The following NOL4L variants were observed in gnomAD, a reference collection of about 807,000 sequenced individuals.
NOL4L encodes nucleolar protein 4 like.
Under a neutral mutation model 64.5 loss-of-function variants are expected in NOL4L, and 7 were observed. The observed-to-expected ratio is 0.11, with a 90% CI of 0.06 to 0.20. The LOEUF is 0.20. NOL4L is among the 10% of genes least tolerant of loss of function. NOL4L has a pLI of 1.00. For synonymous variants in NOL4L, 413 were observed against 401.0 expected (o/e 1.03, Z -0.36); for missense variants, 680 against 967.1 (o/e 0.70, Z 3.94).
intron 3 of NOL4L, among the ~76,000 whole-genome samples, chr20:32,517,303 G>A (rs1394581563): frequency 6.6e-6 from 1 of 152,222 alleles, no homozygotes; most frequent in Non-Finnish European, 1.5e-5. Context: ...CCACCTTCCT[G>A]GGGCAGGAAC....
At chr20:32,486,890 C>T (rs960338644) in intron 4 of NOL4L, 2 of 418,796 alleles carry the variant, frequency 4.8e-6, no homozygotes, top group Middle Eastern at 9.4e-4. Context: ...ACAAGAAATC[C>T]AGAAAGAGAA....
chr20:32,477,452 G>A (rs925639943), intron 4 of NOL4L, among the ~76,000 whole-genome samples: 1 of 152,360 alleles, frequency 6.6e-6, no homozygotes, highest in Non-Finnish European at 1.5e-5. Context: ...GCTGTATCCA[G>A]CTGTCACTGT....
intron 1 of NOL4L, among the ~76,000 whole-genome samples, chr20:32,580,379 A>G (rs564451428): frequency 2.0e-5 from 3 of 152,340 alleles, no homozygotes; most frequent in South Asian, 2.1e-4. Context: ...GTCACAGCAC[A>G]TATTACGCGG....
chr20:32,452,381 G>A lies in NOL4L; in HGVS notation c.1677C>T (p.His559=). Residue 559 remains histidine, a synonymous_variant, in exon 10 of 11, where the codon CAC becomes CAT. Transcript: ENST00000621426. Reference sequence around the variant, plus strand: ...AGGAGGCTGGCAGTGAGTAGGTGGAGTGGGTGATGGCTGCGGAGTCCCGCG... The same window carrying A: ...AGGAGGCTGGCAGTGAGTAGGTGGAATGGGTGATGGCTGCGGAGTCCCGCG... The part of the protein sequence containing the change: ...QHSRDSAAIT[H]STYSLPASSY... 1.2e-6 allele frequency: 2 copies of A among 1,612,468 alleles called. No individual in the cohort carries two copies. Among genetic ancestry groups the A allele is most frequent in the Non-Finnish European group, 1.7e-6 (2 of 1,179,154 alleles).
intron 3 of NOL4L, among the ~76,000 whole-genome samples, 188 bp from the exon 4 acceptor site, chr20:32,511,644 T>A (rs531292617): frequency 1.3e-5 from 2 of 151,576 alleles, no homozygotes; most frequent in Admixed American, 6.6e-5. Context: ...TCAAAAATAT[T>A]TTTTTTTTAT....
chr20:32,452,455 G>C lies in NOL4L; in HGVS notation c.1621-18C>G, dbSNP rs1191277689. 3 of 1,543,382 alleles carry C rather than the reference G, an allele frequency of 1.9e-6. No homozygotes were observed. In the South Asian group the frequency reaches 3.7e-5, roughly 19 times the overall value. ...GGCTCATCCTGCAGAGGGGAGAGGG[G>C]GGCGCTGGGGAAACCAAGGGGCAGC... is the stretch of plus-strand genomic sequence containing the variant. On this transcript the variant is annotated intron_variant, in intron 9 of 10. Coordinates refer to ENST00000621426, the MANE Select transcript of NOL4L (RefSeq NM_001256798.2).
intron 4 of NOL4L, chr20:32,509,987 G>A (rs1403449211): frequency 7.8e-7 from 1 of 1,274,204 alleles, no homozygotes; most frequent in Non-Finnish European, 1.0e-6. Flanking sequence ...GCAGTGAGAG[G>A]AGACCTAATG....
At chr20:32,517,642 G>C (rs1466826307) in intron 3 of NOL4L, among the ~76,000 whole-genome samples, 1 of 152,176 alleles carries the variant, frequency 6.6e-6, no homozygotes, top group Non-Finnish European at 1.5e-5. Flanking sequence ...TTGCCTGGCA[G>C]GGCTGGGGGC....
intron 10 of NOL4L, chr20:32,451,573 C>G (rs1301641428): frequency 6.6e-6 from 1 of 152,310 alleles, no homozygotes; most frequent in Non-Finnish European, 1.5e-5. Flanking sequence ...CGCAGAGTAG[C>G]CTGGGGAGTT....
rs1239600632 is a variant in NOL4L at position 32,463,683 on chromosome 20, G to A, written c.842-7288C>T. ...TGTTCCTCCCTCTGTCCCGTCTCCA[G>A]AAGGAGACAAAAACCCCTTTTACCT... On this transcript the variant is annotated intron_variant, in intron 5 of 10. Transcript: ENST00000621426. This position sits in a 1 kb window ranked among gnomAD's most constrained non-coding sequence, Gnocchi z 5.8. Among the ~76,000 whole-genome samples the A allele has an allele frequency of 6.6e-6, 1 of 152,232 alleles. No individual in the cohort carries two copies. Among genetic ancestry groups the A allele is most frequent in the Non-Finnish European group, 1.5e-5 (1 of 68,040 alleles).
intron 5 of NOL4L, among the ~76,000 whole-genome samples, chr20:32,459,752 C>T (rs1290704152): frequency 1.3e-5 from 2 of 152,190 alleles, no homozygotes; most frequent in Non-Finnish European, 2.9e-5. Context: ...AGGCTGGTCT[C>T]AAACTCCCAA....
At chr20:32,480,810 T>G (rs1371054462) in intron 4 of NOL4L, among the ~76,000 whole-genome samples, 1 of 152,210 alleles carries the variant, frequency 6.6e-6, no homozygotes, top group African/African-American at 2.4e-5. Flanking sequence ...GAGGGTGGTC[T>G]GAGCCACAGC....
intron 1 of NOL4L, among the ~76,000 whole-genome samples, chr20:32,537,371 T>C (rs1184150177): frequency 6.6e-6 from 1 of 152,202 alleles, no homozygotes; most frequent in Non-Finnish European, 1.5e-5. Context: ...CTAACCGTCC[T>C]GGGAGACAAA....
intron 4 of NOL4L, among the ~76,000 whole-genome samples, chr20:32,505,466 T>A (rs2017101032): frequency 6.6e-6 from 1 of 152,202 alleles, no homozygotes; most frequent in African/African-American, 2.4e-5. Context: ...CACACATGCC[T>A]GTAATCCCAG....
intron 4 of NOL4L, among the ~76,000 whole-genome samples, chr20:32,484,895 A>C (rs900761875): frequency 1.3e-5 from 2 of 151,324 alleles, no homozygotes; most frequent in Non-Finnish European, 2.9e-5. Context: ...TCTCATCACC[A>C]AACCGCAGAA....
At chr20:32,481,781 CA>C (rs2015729704) in intron 4 of NOL4L, among the ~76,000 whole-genome samples, 1 of 152,338 alleles carries the variant, frequency 6.6e-6, no homozygotes, top group South Asian at 2.1e-4. Context: ...TAAACTACCA[CA>C]GGGCCTGGGC....
chr20:32,488,209 C>T (rs756065756), intron 4 of NOL4L, among the ~76,000 whole-genome samples: 5 of 152,110 alleles, frequency 3.3e-5, no homozygotes, highest in Admixed American at 6.6e-5. Flanking sequence ...CTATGTTTAA[C>T]GTGTGTTTAA....
chr20:32,474,433 T>G (rs1055173763), intron 5 of NOL4L, among the ~76,000 whole-genome samples, 168 bp downstream of exon 5: 4 of 152,210 alleles, frequency 2.6e-5, no homozygotes, highest in Admixed American at 6.5e-5. Flanking sequence ...CTGGGGCCCA[T>G]GGAGATGCTG....
At chr20:32,551,517 C>T (rs1403911885) in intron 1 of NOL4L, among the ~76,000 whole-genome samples, 2 of 152,092 alleles carry the variant, frequency 1.3e-5, no homozygotes, top group Admixed American at 1.3e-4. Flanking sequence ...CATGCTACAA[C>T]ATGGATGAAC....
Sources: gnomAD v4.1 joint callset for allele counts (sites outside exome capture counted in the v4.1 genomes callset) on GRCh38, gnomAD v4.1.1 for gene constraint, Gnocchi (gnomAD v3.1) non-coding constraint, MANE v1.5 for transcripts, NCBI Gene and HGNC (gene_info 2026-07-23, HGNC 2026-07-21) for gene names.